PRIM2: variants seen among roughly 807,000 people sequenced by gnomAD.
The protein encoded by PRIM2 is DNA primase large subunit.
In PRIM2, 39 loss-of-function variants were observed where a neutral mutation model predicts 67.3. The observed-to-expected ratio is 0.58, with a 90% CI of 0.45 to 0.76. PRIM2 has a LOEUF of 0.76. Among genes scored for constraint, PRIM2 ranks in the 30% least tolerant of loss-of-function variants. PRIM2 has a pLI of 0.00. For missense variants in PRIM2, 398 were observed against 598.7 expected (o/e 0.66, Z 3.50); for synonymous variants, 143 against 198.7 (o/e 0.72, Z 2.36).
chr6:57,549,532 C>T (rs1205527806), intron 10 of PRIM2, among the ~76,000 whole-genome samples: 1 of 151,708 alleles, frequency 6.6e-6, no homozygotes, highest in Admixed American at 6.6e-5. Context: ...GTAATGTCTG[C>T]TAAAATATTG....
At chr6:57,421,587 T>C (rs558407796) in intron 7 of PRIM2, among the ~76,000 whole-genome samples, 1 of 152,338 alleles carries the variant, frequency 6.6e-6, no homozygotes, top group East Asian at 1.9e-4. Context: ...TTTTCTTTTG[T>C]AAGTATTACA....
intron 7 of PRIM2, among the ~76,000 whole-genome samples, chr6:57,477,724 G>A (rs1220804998): frequency 2.3e-4 from 35 of 152,196 alleles, no homozygotes; most frequent in Non-Finnish European, 4.7e-4. Flanking sequence ...TGGTAGACAG[G>A]AGGTTATAGT....
At chr6:57,570,935 C>T (rs1435414230) in intron 10 of PRIM2, among the ~76,000 whole-genome samples, 2 of 151,904 alleles carry the variant, frequency 1.3e-5, no homozygotes, top group Non-Finnish European at 2.9e-5. Context: ...TGGTGTCATC[C>T]CTATAATTTT....
At chr6:57,610,392 A>G (rs1776646280) in intron 12 of PRIM2, among the ~76,000 whole-genome samples, 1 of 152,232 alleles carries the variant, frequency 6.6e-6, no homozygotes, top group African/African-American at 2.4e-5. Flanking sequence ...TTAAGTAATC[A>G]AAATGTTGGT....
intron 7 of PRIM2, among the ~76,000 whole-genome samples, chr6:57,413,268 A>G: frequency 6.6e-6 from 1 of 152,064 alleles, no homozygotes; most frequent in Non-Finnish European, 1.5e-5. Context: ...GAAGGAAAAA[A>G]TGGAGGGGAA....
At chr6:57,320,596 C>G (rs1462232339) in intron 3 of PRIM2, 36 bp downstream of exon 3, 2 of 1,353,920 alleles carry the variant, frequency 1.5e-6, no homozygotes, top group South Asian at 2.6e-5. Context: ...CCTTCAGTTT[C>G]TATGCATTTA....
At chr6:57,286,229 AC>A in the PRIM2 span, among the ~76,000 whole-genome samples, 2 of 152,192 alleles carry the variant, frequency 1.3e-5, no homozygotes, top group African/African-American at 4.8e-5. Flanking sequence ...GCTACCAATG[AC>A]TTTCTTCGCA....
At chr6:57,460,968 G>C (rs1363324716) in intron 7 of PRIM2, among the ~76,000 whole-genome samples, 1 of 152,158 alleles carries the variant, frequency 6.6e-6, no homozygotes, top group Non-Finnish European at 1.5e-5. Context: ...TGTCACAGGA[G>C]GATTAGAATC....
At chr6:57,256,779 C>A in the PRIM2 span, among the ~76,000 whole-genome samples, 1 of 151,632 alleles carries the variant, frequency 6.6e-6, no homozygotes, top group Non-Finnish European at 1.5e-5. Context: ...GTAAAAATAT[C>A]CTGCTTATCA....
At chr6:57,621,477 T>C (rs1468811193) in intron 12 of PRIM2, among the ~76,000 whole-genome samples, 1 of 152,144 alleles carries the variant, frequency 6.6e-6, no homozygotes, top group Non-Finnish European at 1.5e-5. Flanking sequence ...TTTTTTTTGA[T>C]GTATTTTTTT....
At chr6:57,288,246 T>A in the PRIM2 span, among the ~76,000 whole-genome samples, 1 of 152,134 alleles carries the variant, frequency 6.6e-6, no homozygotes, top group Non-Finnish European at 1.5e-5. Flanking sequence ...TTGCTGAGGC[T>A]TGAATAGGCG....
chr6:57,466,432 CCACA>C (rs1773193822), intron 7 of PRIM2, among the ~76,000 whole-genome samples: 2 of 152,188 alleles, frequency 1.3e-5, no homozygotes, highest in African/African-American at 4.8e-5. Context: ...ATTTACACTC[CCACA>C]AACAGTGTAA....
the PRIM2 span, among the ~76,000 whole-genome samples, chr6:57,289,068 A>T: frequency 6.6e-6 from 1 of 152,216 alleles, no homozygotes; most frequent in Non-Finnish European, 1.5e-5. Flanking sequence ...AAAAGGTTAG[A>T]TGAGTGGCTA....
chr6:57,403,401 C>T (rs1317708092), intron 7 of PRIM2, among the ~76,000 whole-genome samples: 9 of 151,726 alleles, frequency 5.9e-5, no homozygotes, highest in Non-Finnish European at 8.8e-5. Flanking sequence ...GGACTACAGG[C>T]GCCTGCCATC....
chr6:57,320,202 C>T (rs1767605088), intron 2 of PRIM2, among the ~76,000 whole-genome samples: 1 of 152,072 alleles, frequency 6.6e-6, no homozygotes, highest in Non-Finnish European at 1.5e-5. Context: ...TGATTATTCA[C>T]CATCCATCCC....
chr6:57,519,647 G>C (rs1360321495), intron 8 of PRIM2, among the ~76,000 whole-genome samples: 1 of 152,084 alleles, frequency 6.6e-6, no homozygotes, highest in East Asian at 1.9e-4. Context: ...CACACATGCT[G>C]TACAATTTGT....
the PRIM2 span, among the ~76,000 whole-genome samples, chr6:57,249,045 G>A: frequency 1.3e-5 from 2 of 152,138 alleles, no homozygotes; most frequent in Non-Finnish European, 2.9e-5. Context: ...TAATATACTG[G>A]GGAAACAGAT....
At chr6:57,330,729 T>C (rs1215925019) in intron 5 of PRIM2, among the ~76,000 whole-genome samples, 1 of 152,126 alleles carries the variant, frequency 6.6e-6, no homozygotes, top group Non-Finnish European at 1.5e-5. Flanking sequence ...CTATGTTGCA[T>C]GGTTTTAGCT....
intron 5 of PRIM2, among the ~76,000 whole-genome samples, chr6:57,374,685 G>A (rs545075242): frequency 6.6e-6 from 1 of 152,036 alleles, no homozygotes; most frequent in Non-Finnish European, 1.5e-5. Flanking sequence ...CCACCTCCCA[G>A]GTTCAAGTGA....
Sources: gnomAD v4.1 joint callset for allele counts (sites outside exome capture counted in the v4.1 genomes callset) on GRCh38, gnomAD v4.1.1 for gene constraint, MANE v1.5 for transcripts, NCBI Gene and HGNC (gene_info 2026-07-23, HGNC 2026-07-21) for gene names.